ARHGEF10L: variants seen among roughly 807,000 people sequenced by gnomAD.
ARHGEF10L encodes rho guanine nucleotide exchange factor 10-like protein.
A neutral mutation model predicts 141.2 loss-of-function variants in ARHGEF10L; 69 were observed. That is an observed-to-expected ratio of 0.49 (90% CI 0.40 to 0.60). ARHGEF10L has a LOEUF of 0.60. Among genes scored for constraint, ARHGEF10L ranks in the 20% least tolerant of loss-of-function variants. The pLI is 0.00. For synonymous variants in ARHGEF10L, 711 were observed against 718.5 expected (o/e 0.99, Z 0.17); for missense variants, 1,482 against 1,734.3 (o/e 0.85, Z 2.58).
At chr1:17,525,762 G>T in the ARHGEF10L span, among the ~76,000 whole-genome samples, 4 of 152,080 alleles carry the variant, frequency 2.6e-5, no homozygotes, top group East Asian at 1.9e-4. Flanking sequence ...CAGCACTTTG[G>T]GGGGCTGAGA....
chr1:17,631,217 G>A (rs764882572), intron 15 of ARHGEF10L, among the ~76,000 whole-genome samples: 5 of 152,096 alleles, frequency 3.3e-5, no homozygotes, highest in Admixed American at 1.3e-4. Context: ...AATGGTTGTC[G>A]TCAGAGTCAC....
At chr1:17,683,173 T>C (rs368165858) in intron 26 of ARHGEF10L, among the ~76,000 whole-genome samples, 9,240 of 80,454 alleles carry the variant, frequency 0.11, 606 homozygotes, top group Middle Eastern at 0.14. Flanking sequence ...GCTCTCACCG[T>C]GGTGCTCACT....
intron 1 of ARHGEF10L, among the ~76,000 whole-genome samples, chr1:17,548,886 T>C (rs2077012394): frequency 1.3e-5 from 2 of 151,796 alleles, no homozygotes; most frequent in African/African-American, 4.8e-5. Flanking sequence ...TGACCTCAAA[T>C]GATTCTCCTG....
intron 21 of ARHGEF10L, among the ~76,000 whole-genome samples, chr1:17,645,150 C>T (rs1426446644): frequency 1.3e-5 from 2 of 152,122 alleles, no homozygotes; most frequent in Non-Finnish European, 2.9e-5. Context: ...CCCCACTTAG[C>T]GTCAACTGGA....
intron 15 of ARHGEF10L, among the ~76,000 whole-genome samples, chr1:17,629,762 C>T (rs906332163): frequency 1.3e-5 from 2 of 152,204 alleles, no homozygotes; most frequent in African/African-American, 4.8e-5. Context: ...CCTTCAGCCC[C>T]GCCATGACCA....
chr1:17,686,415 C>T (rs992387667), intron 26 of ARHGEF10L, among the ~76,000 whole-genome samples: 20 of 152,192 alleles, frequency 1.3e-4, no homozygotes, highest in Middle Eastern at 3.2e-3. Flanking sequence ...TCCTTGGAGT[C>T]CACAGTCTTA....
intron 1 of ARHGEF10L, among the ~76,000 whole-genome samples, chr1:17,577,398 G>C (rs1339593925): frequency 1.3e-5 from 2 of 152,198 alleles, no homozygotes; most frequent in African/African-American, 2.4e-5. Flanking sequence ...CTGAGGCCCA[G>C]AGATAGGATT....
chr1:17,623,999 A>G lies in ARHGEF10L; in HGVS notation c.1201-388A>G, dbSNP rs1003699693. On this transcript the variant is annotated intron_variant, in intron 12 of 28. Transcript: ENST00000361221. This position sits in a 1 kb window ranked among gnomAD's most constrained non-coding sequence, Gnocchi z 4.7. ...GAGAGGCCAGGAGCACTTTCCTTAA[A>G]GGTGGAGGGCAAGGGGCATTCGATT... Among the ~76,000 whole-genome samples, 3 of 152,156 alleles carry G rather than the reference A, an allele frequency of 2.0e-5. No homozygotes were observed. Among genetic ancestry groups the G allele is most frequent in the African/African-American group, 4.8e-5 (2 of 41,438 alleles).
At position 17,696,255 on chromosome 1, in the gene ARHGEF10L, A is replaced by G. The variant is rs551748151; in HGVS notation, c.3308-593A>G. Among the ~76,000 whole-genome samples the G allele has an allele frequency of 1.4e-3, 210 of 150,374 alleles. 2 individuals are homozygous for G. The highest frequency in any genetic ancestry group is 5.0e-3 in the African/African-American group (206 of 40,946). ...TTGCTTCTAAATTCTGAGATTTTCT[A>G]TTTTCAAGGTTTCATCAAATAGGGC... On this transcript the variant is annotated intron_variant, in intron 28 of 28. Transcript: ENST00000361221.
intron 26 of ARHGEF10L, 70 bp from the exon 27 acceptor site, chr1:17,687,503 G>A: frequency 1.9e-6 from 3 of 1,555,316 alleles, no homozygotes; most frequent in Non-Finnish European, 2.6e-6. Flanking sequence ...CTGGCCCAGG[G>A]GTGGGGGCTT....
rs1461951607 is a variant in ARHGEF10L at position 17,575,923 on chromosome 1, T to G, written c.-43-4630T>G. ...CTCTGAGGCCAGAGCTTGACAAGCGTGCTTGGGCCAGAACCGATTCCTTGC... is the reference window on the plus strand; with the variant it reads ...CTCTGAGGCCAGAGCTTGACAAGCGGGCTTGGGCCAGAACCGATTCCTTGC... On this transcript the variant is annotated intron_variant, in intron 1 of 28. Coordinates refer to ENST00000361221, the MANE Select transcript of ARHGEF10L (RefSeq NM_018125.4). 1.3e-5 allele frequency among the ~76,000 whole-genome samples: 2 copies of G among 152,186 alleles called. 1 individual carries two copies. Among genetic ancestry groups the G allele is most frequent in the Admixed American group, 1.3e-4 (2 of 15,274 alleles).
At chr1:17,618,429 G>A (rs775678367) in intron 9 of ARHGEF10L, 80 of 1,528,454 alleles carry the variant, frequency 5.2e-5, no homozygotes, top group East Asian at 2.0e-4. Context: ...TGCCCGGGGC[G>A]TGATGTGGGC....
chr1:17,643,401 C>T (rs1048804291), intron 21 of ARHGEF10L, among the ~76,000 whole-genome samples: 6 of 152,232 alleles, frequency 3.9e-5, no homozygotes, highest in Middle Eastern at 3.4e-3. Flanking sequence ...CTGGGGACCC[C>T]GTTCAAACCC....
rs140219740 is a variant in ARHGEF10L at position 17,584,857 on chromosome 1, G to GCACA, written c.38-2583_38-2580dup. 1.7e-3 allele frequency among the ~76,000 whole-genome samples: 241 copies of GCACA among 141,024 alleles called. 2 individuals are homozygous for GCACA. Among genetic ancestry groups the GCACA allele is most frequent in the Non-Finnish European group, 2.8e-3 (189 of 67,062 alleles). 92.5% of individuals were successfully genotyped at this position (141,024 alleles called of 152,430 possible). A position where few individuals can be genotyped will look rare whatever the true frequency, so the allele number is the denominator to read the frequency against. On this transcript the variant is annotated intron_variant, in intron 2 of 28. Transcript: ENST00000361221. ...TCTACGCACATGTGCACGTGTGCGTGCACACACACACACACACACACACCC... is the reference window on the plus strand; with the variant it reads ...TCTACGCACATGTGCACGTGTGCGTGCACACACACACACACACACACACACACCC...
the ARHGEF10L span, among the ~76,000 whole-genome samples, chr1:17,519,619 G>GA: frequency 2.0e-5 from 3 of 150,978 alleles, no homozygotes; most frequent in African/African-American, 7.3e-5. Flanking sequence ...AAAAGAAAAT[G>GA]AAAAAAAAGG....
In ARHGEF10L at chr1:17,634,886, G is replaced by A. The variant is rs778897933; in HGVS notation, c.1797G>A (p.Val599=). The A allele has an allele frequency of 7.4e-6, 12 of 1,613,998 alleles. No individual in the cohort carries two copies. The East Asian group carries it at 2.2e-4, about 30-fold the overall frequency. The stretch of plus-strand genomic sequence containing the variant: ...TGCCCCTGGGGCCCAAGTATGTGGT[G>A]AAGTGGAACACGGCGCTGCCCCAGG... ...SLVPLGPKYV[V]KWNTALPQVQ... Residue 599 remains valine, a synonymous_variant, in exon 18 of 29, where the codon GTG becomes GTA. Coordinates refer to ENST00000361221, the MANE Select transcript of ARHGEF10L (RefSeq NM_018125.4).
intron 4 of ARHGEF10L, among the ~76,000 whole-genome samples, chr1:17,590,534 A>G (rs1053506244): frequency 3.3e-5 from 5 of 152,142 alleles, no homozygotes; most frequent in African/African-American, 1.2e-4. Context: ...CTATGGGGAC[A>G]GGGACTTTTT....
rs139721173 is a variant in ARHGEF10L, at chr1:17,621,810, G to GGGCCACAGCAGGTAAT, written c.943-50_943-49insACAGCAGGTAATGGCC. On this transcript the variant is annotated intron_variant, in intron 10 of 28. Coordinates refer to ENST00000361221, the MANE Select transcript of ARHGEF10L (RefSeq NM_018125.4). This position sits in a 1 kb window ranked among gnomAD's most constrained non-coding sequence, Gnocchi z 4.1. ...TTGTCAGCTCCCCTTCCTGTCACTTGGGCCCTGTGCAGCAGGTGTCATGTG... is the reference window on the plus strand; with the variant it reads ...TTGTCAGCTCCCCTTCCTGTCACTTGGGCCACAGCAGGTAATGGCCCTGTGCAGCAGGTGTCATGTG... 1 of 1,496,726 alleles carries GGGCCACAGCAGGTAAT rather than the reference G, an allele frequency of 6.7e-7. No individual in the cohort carries two copies. Among genetic ancestry groups the GGGCCACAGCAGGTAAT allele is most frequent in the East Asian group, 2.3e-5 (1 of 44,360 alleles). The allele number at this position is 1,496,726 out of a possible 1,614,324, so 92.7% of individuals were successfully genotyped here.
At chr1:17,695,024 C>T (rs2065389340) in intron 27 of ARHGEF10L, 134 bp from the exon 28 acceptor site, 1 of 1,363,658 alleles carries the variant, frequency 7.3e-7, no homozygotes, top group Non-Finnish European at 1.0e-6. Flanking sequence ...CCAGCTCTTC[C>T]CCACCCCACC....
Sources: allele counts gnomAD v4.1 joint callset (sites outside exome capture counted in the v4.1 genomes callset), GRCh38; gene constraint gnomAD v4.1.1; non-coding constraint Gnocchi (gnomAD v3.1); transcripts MANE v1.5; gene names NCBI Gene and HGNC (gene_info 2026-07-23, HGNC 2026-07-21).